Variants in XRCC4 observed in about 807,000 individuals in gnomAD.
The protein encoded by XRCC4 is X-ray repair cross complementing 4.
XRCC4 carries 28 observed loss-of-function variants against 39.1 expected under a neutral mutation model. That is an observed-to-expected ratio of 0.72 (90% CI 0.53 to 0.98). XRCC4 has a LOEUF of 0.98. Among genes scored for constraint, XRCC4 ranks in the 50% least tolerant of loss-of-function variants. The pLI is 0.00. For synonymous variants in XRCC4, 123 were observed against 126.4 expected (o/e 0.97, Z 0.18); for missense variants, 350 against 376.4 (o/e 0.93, Z 0.58).
At chr5:83,154,413 T>G (rs1748857964) in intron 3 of XRCC4, among the ~76,000 whole-genome samples, 1 of 152,190 alleles carries the variant, frequency 6.6e-6, no homozygotes, top group Non-Finnish European at 1.5e-5. Flanking sequence ...TCAGATTTCA[T>G]TTTTGGATTC....
intron 3 of XRCC4, among the ~76,000 whole-genome samples, chr5:83,134,702 G>C (rs367636152): frequency 2.6e-5 from 4 of 152,152 alleles, no homozygotes; most frequent in Admixed American, 6.5e-5. Flanking sequence ...GTACCCTTGC[G>C]TGTTGTGGAA....
intron 7 of XRCC4, among the ~76,000 whole-genome samples, chr5:83,277,461 G>A (rs1326220150): frequency 1.3e-5 from 2 of 152,206 alleles, no homozygotes; most frequent in Non-Finnish European, 2.9e-5. Flanking sequence ...ACCCGTGATG[G>A]ACATGCAACA....
chr5:83,372,893 AT>A, the XRCC4 span, among the ~76,000 whole-genome samples: 1 of 152,196 alleles, frequency 6.6e-6, no homozygotes, highest in East Asian at 1.9e-4. Context: ...CTTACAATAC[AT>A]TTCAAGGAAT....
intron 6 of XRCC4, among the ~76,000 whole-genome samples, chr5:83,228,597 G>A (rs1752377387): frequency 6.6e-6 from 1 of 152,000 alleles, no homozygotes; most frequent in Non-Finnish European, 1.5e-5. Flanking sequence ...GGTCACCCAG[G>A]TCTCTAAACA....
intron 3 of XRCC4, among the ~76,000 whole-genome samples, chr5:83,153,952 A>G (rs1057191822): frequency 1.3e-5 from 2 of 152,300 alleles, no homozygotes; most frequent in Admixed American, 1.3e-4. Flanking sequence ...TTATTGGGTG[A>G]AGAAATATAT....
At chr5:83,248,553 A>G (rs1003473567) in intron 6 of XRCC4, among the ~76,000 whole-genome samples, 3 of 152,198 alleles carry the variant, frequency 2.0e-5, no homozygotes, top group Non-Finnish European at 4.4e-5. Flanking sequence ...TGTGGACGGT[A>G]ACATTAAGAA....
chr5:83,373,477 T>C, the XRCC4 span, among the ~76,000 whole-genome samples: 1 of 152,214 alleles, frequency 6.6e-6, no homozygotes, highest in African/African-American at 2.4e-5. Flanking sequence ...AACTGAACAA[T>C]AGAAATGCTC....
chr5:83,332,274 G>A (rs961773873), intron 7 of XRCC4, among the ~76,000 whole-genome samples: 57 of 135,712 alleles, frequency 4.2e-4, no homozygotes, highest in Non-Finnish European at 4.9e-4. Flanking sequence ...CACAGAAAGA[G>A]AGAGAGAGAG....
intron 6 of XRCC4, among the ~76,000 whole-genome samples, chr5:83,243,754 A>C (rs1238590205): frequency 6.6e-6 from 1 of 152,214 alleles, no homozygotes; most frequent in Non-Finnish European, 1.5e-5. Context: ...TCCTGAAACC[A>C]GTGTCAGCTG....
chr5:83,173,531 T>C lies in XRCC4; in HGVS notation c.316-22239T>C, dbSNP rs183761225. On this transcript the variant is annotated intron_variant, in intron 3 of 7. Transcript: ENST00000396027. ...CTTCAAGAAGTCTTTCTAGATTGTA[T>C]AGTCAAGTTAGATTTTCTAAAATCA... Among the ~76,000 whole-genome samples the C allele has an allele frequency of 8.7e-4, 132 of 152,296 alleles. No individual in the cohort carries two copies. The Middle Eastern group carries it at 0.01, about 12-fold the overall frequency.
At chr5:83,320,393 A>T (rs985258327) in intron 7 of XRCC4, among the ~76,000 whole-genome samples, 2 of 151,308 alleles carry the variant, frequency 1.3e-5, no homozygotes, top group Admixed American at 6.6e-5. Flanking sequence ...AAAAAAATAA[A>T]AAAAAAAAGA....
intron 6 of XRCC4, among the ~76,000 whole-genome samples, chr5:83,227,607 G>C (rs1752339535): frequency 6.6e-6 from 1 of 151,956 alleles, no homozygotes. Flanking sequence ...TTGTTCTCCG[G>C]TTGGTATTAT....
chr5:83,303,212 CAAAAAAAAAAAA>C (rs760220069), intron 7 of XRCC4, among the ~76,000 whole-genome samples: 1 of 62,872 alleles, frequency 1.6e-5, no homozygotes, highest in Non-Finnish European at 3.9e-5. Context: ...GACTCCGTCT[CAAAAAAAAAAAA>C]AAAAAAAAAG....
At chr5:83,125,285 T>C (rs148159125) in intron 3 of XRCC4, among the ~76,000 whole-genome samples, 119 of 152,350 alleles carry the variant, frequency 7.8e-4, no homozygotes, top group African/African-American at 2.7e-3. Context: ...TTATTTTTGA[T>C]GAAGTCCAAT....
intron 3 of XRCC4, among the ~76,000 whole-genome samples, chr5:83,132,115 T>G (rs1004727121): frequency 2.0e-5 from 3 of 152,142 alleles, no homozygotes; most frequent in Non-Finnish European, 4.4e-5. Flanking sequence ...GTCTGTAAAG[T>G]ATTTTATTTC....
intron 3 of XRCC4, among the ~76,000 whole-genome samples, chr5:83,145,685 G>T (rs1748419943): frequency 6.6e-6 from 1 of 152,152 alleles, no homozygotes; most frequent in Admixed American, 6.5e-5. Flanking sequence ...TGATTTCTCT[G>T]AAAGCCTGTC....
intron 6 of XRCC4, among the ~76,000 whole-genome samples, chr5:83,209,724 T>C (rs1410440118): frequency 6.6e-6 from 1 of 152,026 alleles, no homozygotes; most frequent in Non-Finnish European, 1.5e-5. Context: ...ATTATAGTTA[T>C]TTCTATGAAT....
At chr5:83,166,936 C>T (rs956662092) in intron 3 of XRCC4, among the ~76,000 whole-genome samples, 4 of 151,542 alleles carry the variant, frequency 2.6e-5, no homozygotes, top group Non-Finnish European at 4.4e-5. Context: ...GACTGGGGTG[C>T]GGTGACACAG....
intron 2 of XRCC4, 55 bp from the exon 3 acceptor site, chr5:83,110,973 C>T: frequency 1.3e-6 from 2 of 1,492,822 alleles, no homozygotes; most frequent in South Asian, 2.6e-5. Context: ...CTAATATTTT[C>T]TCATGTGTAG....
Sources: gnomAD v4.1 joint callset for allele counts (sites outside exome capture counted in the v4.1 genomes callset) on GRCh38, gnomAD v4.1.1 for gene constraint, MANE v1.5 for transcripts, NCBI Gene and HGNC (gene_info 2026-07-23, HGNC 2026-07-21) for gene names.